SYT16: variants seen among roughly 807,000 people sequenced by gnomAD.
The protein encoded by SYT16 is synaptotagmin 16, also known as synaptotagmin-16.
In SYT16, 42 loss-of-function variants were observed where a neutral mutation model predicts 61.4. That is an observed-to-expected ratio of 0.68 (90% CI 0.53 to 0.89). The LOEUF is 0.89. SYT16 is among the 40% of genes least tolerant of loss of function. The pLI is 0.00. For synonymous variants in SYT16, 314 were observed against 302.3 expected, an observed-to-expected ratio of 1.04 and a Z score of -0.40; for missense variants, 804 against 807.3, an observed-to-expected ratio of 1.00 and a Z score of 0.05.
intron 3 of SYT16, among the ~76,000 whole-genome samples, chr14:62,059,684 ATATATATGTATATATATACATATAATTTT>A (rs1566808161): frequency 6.8e-6 from 1 of 147,454 alleles, no homozygotes; most frequent in East Asian, 1.9e-4. Context: ...TATATAATTT[ATATATATGTATATATATACATATAATTTT>A]TATATATGTA....
chr14:61,965,455 C>T (rs923143726), intron 1 of SYT16, among the ~76,000 whole-genome samples: 2 of 152,078 alleles, frequency 1.3e-5, no homozygotes, highest in Non-Finnish European at 1.5e-5. Context: ...TTTCTCTAAC[C>T]TCTCTCTAAC....
At chr14:61,939,014 A>G (rs1227451375) in intron 1 of SYT16, among the ~76,000 whole-genome samples, 1 of 152,232 alleles carries the variant, frequency 6.6e-6, no homozygotes, top group East Asian at 1.9e-4. Flanking sequence ...GGGTGCCTAT[A>G]ATCCCAGCTA....
intron 1 of SYT16, among the ~76,000 whole-genome samples, chr14:61,894,895 C>G (rs2048272772): frequency 6.6e-6 from 1 of 152,062 alleles, no homozygotes; most frequent in Admixed American, 6.6e-5. Context: ...ATCAAATTAC[C>G]AAAGAGATGG....
At chr14:62,050,400 C>A (rs2055219117) in intron 3 of SYT16, among the ~76,000 whole-genome samples, 1 of 152,070 alleles carries the variant, frequency 6.6e-6, no homozygotes, top group South Asian at 2.1e-4. Context: ...TTTTTAACTT[C>A]TTTGCCATTG....
intron 1 of SYT16, among the ~76,000 whole-genome samples, chr14:61,878,279 A>G (rs2047571068): frequency 2.0e-5 from 3 of 152,248 alleles, no homozygotes; most frequent in Non-Finnish European, 4.4e-5. Flanking sequence ...CTAGAAAACC[A>G]CAAGCCAAAG....
intron 1 of SYT16, among the ~76,000 whole-genome samples, chr14:61,940,653 C>T (rs114302431): frequency 0.017 from 2,558 of 152,244 alleles, 83 homozygotes; most frequent in African/African-American, 0.058. Context: ...ATAGTAAATG[C>T]CATGTAAGTA....
chr14:62,092,008 A>T (rs1396960803), intron 7 of SYT16, among the ~76,000 whole-genome samples: 1 of 152,166 alleles, frequency 6.6e-6, no homozygotes, highest in East Asian at 1.9e-4. Context: ...ACAACAAAAC[A>T]GTGTGAGTTT....
chr14:61,917,913 A>G (rs1294932688), intron 1 of SYT16, among the ~76,000 whole-genome samples: 1 of 152,184 alleles, frequency 6.6e-6, no homozygotes, highest in Admixed American at 6.5e-5. Context: ...TATACACATA[A>G]TCTGAAGGTA....
rs189675588 is a variant in SYT16 at position 62,032,346 on chromosome 14, C to T, written c.523+35804C>T. On this transcript the variant is annotated intron_variant, in intron 3 of 7. Transcript: ENST00000683842. Reference sequence around the variant, plus strand: ...AGTCTTTGTGGCTTTTAATTCCTTTCTTGGTAAGATAAGAGTTAGAATAGT... The same window carrying T: ...AGTCTTTGTGGCTTTTAATTCCTTTTTTGGTAAGATAAGAGTTAGAATAGT... 4.6e-5 allele frequency among the ~76,000 whole-genome samples: 7 copies of T among 152,090 alleles called. No homozygotes were observed. The East Asian group carries it at 1.2e-3, about 25-fold the overall frequency.
intron 1 of SYT16, among the ~76,000 whole-genome samples, chr14:61,935,735 G>A (rs953884965): frequency 6.6e-6 from 1 of 152,188 alleles, no homozygotes; most frequent in South Asian, 2.1e-4. Context: ...GAGTTAGAAG[G>A]ATGTTTCTGG....
At chr14:61,911,837 C>G (rs142006125) in intron 1 of SYT16, among the ~76,000 whole-genome samples, 1 of 152,148 alleles carries the variant, frequency 6.6e-6, no homozygotes, top group African/African-American at 2.4e-5. Flanking sequence ...CTCCTCTGCA[C>G]CTCTCAGGTG....
chr14:61,948,580 G>A lies in SYT16; in HGVS notation c.-324-21552G>A, dbSNP rs544537436. Reference sequence around the variant, plus strand: ...TCAGAGGACTTTTGAAGAGGAGAGCGAGTGAAGTCCCAGGCTTGATGATGT... The same window carrying A: ...TCAGAGGACTTTTGAAGAGGAGAGCAAGTGAAGTCCCAGGCTTGATGATGT... On this transcript the variant is annotated intron_variant, in intron 1 of 7. Coordinates refer to ENST00000683842, the MANE Select transcript of SYT16 (RefSeq NM_001367656.1). Among the ~76,000 whole-genome samples the A allele has an allele frequency of 5.3e-5, 8 of 152,260 alleles. No individual in the cohort carries two copies. The South Asian group carries it at 1.0e-3, about 20-fold the overall frequency.
intron 7 of SYT16, among the ~76,000 whole-genome samples, chr14:62,092,196 ACACACACACACACACACACACACAC>A (rs2057106176): frequency 1.0e-5 from 1 of 97,836 alleles, no homozygotes; most frequent in African/African-American, 3.4e-5. Context: ...ACACACACAC[ACACACACACACACACACACACACAC>A]ACACACTAAC....
At chr14:61,859,162 C>A (rs542416476) in intron 1 of SYT16, among the ~76,000 whole-genome samples, 1 of 152,096 alleles carries the variant, frequency 6.6e-6, no homozygotes, top group East Asian at 1.9e-4. Context: ...CCCGGCCAGC[C>A]CCAAATCATT....
At chr14:61,873,859 A>T (rs2047405723) in intron 1 of SYT16, among the ~76,000 whole-genome samples, 1 of 152,212 alleles carries the variant, frequency 6.6e-6, no homozygotes, top group Non-Finnish European at 1.5e-5. Flanking sequence ...AGTTCTTTCT[A>T]GAGGTATTAA....
chr14:62,041,361 T>A (rs1213068505), intron 3 of SYT16, among the ~76,000 whole-genome samples: 1 of 152,184 alleles, frequency 6.6e-6, no homozygotes, highest in Non-Finnish European at 1.5e-5. Flanking sequence ...TCACTCTTTG[T>A]GTTCTGTTCC....
intron 1 of SYT16, among the ~76,000 whole-genome samples, chr14:61,822,255 G>A (rs1030181511): frequency 6.6e-6 from 1 of 152,200 alleles, no homozygotes; most frequent in African/African-American, 2.4e-5. Flanking sequence ...AAGGGCAGGA[G>A]GAGAAAGTCC....
chr14:61,841,155 A>C (rs374295528), intron 1 of SYT16, among the ~76,000 whole-genome samples: 2 of 152,224 alleles, frequency 1.3e-5, no homozygotes, highest in Admixed American at 6.5e-5. Context: ...AGGTAACCCA[A>C]GGTCTCTTAG....
chr14:61,938,699 C>T (rs961419154), intron 1 of SYT16, among the ~76,000 whole-genome samples: 1 of 151,970 alleles, frequency 6.6e-6, no homozygotes. Flanking sequence ...ACCATTAACA[C>T]CAGCTAAGGG....
Sources: allele counts gnomAD v4.1 joint callset (sites outside exome capture counted in the v4.1 genomes callset), GRCh38; gene constraint gnomAD v4.1.1; transcripts MANE v1.5; gene names NCBI Gene and HGNC (gene_info 2026-07-23, HGNC 2026-07-21).